The following GFI1B variants were observed in gnomAD, a reference collection of about 807,000 sequenced individuals.
GFI1B encodes the protein growth factor independent 1B transcriptional repressor.
In GFI1B, 20 loss-of-function variants were observed where a neutral mutation model predicts 35.3. The ratio of observed to expected loss-of-function variants is 0.57; its 90% CI spans 0.40 to 0.82. The LOEUF (loss-of-function observed/expected upper bound fraction) is 0.82, where lower values mean the gene tolerates loss of function less well. GFI1B is among the 40% of genes least tolerant of loss of function. The pLI, the probability that GFI1B is intolerant of heterozygous loss-of-function variation, is 0.00. For missense variants in GFI1B, 430 were observed against 446.3 expected, an observed-to-expected ratio of 0.96 and a Z score of 0.33; for synonymous variants, 178 against 177.6, an observed-to-expected ratio of 1.00 and a Z score of -0.02.
At chr9:132,977,114 C>T (rs1055515540), upstream of GFI1B, among the ~76,000 whole-genome samples, 1 of 152,144 alleles carries the variant, frequency 6.6e-6, no homozygotes, top group Non-Finnish European at 1.5e-5. Flanking sequence ...TGTGCCACCA[C>T]ACCCAGCTAA....
intron 1 of GFI1B, among the ~76,000 whole-genome samples, chr9:132,959,044 C>G (rs1162300009): frequency 6.6e-6 from 1 of 152,162 alleles, no homozygotes; most frequent in Non-Finnish European, 1.5e-5. Context: ...CTCAGTTTCT[C>G]TGTCTGTAAA....
chr9:132,957,668 G>C (rs1848301415), intron 1 of GFI1B, among the ~76,000 whole-genome samples: 1 of 152,114 alleles, frequency 6.6e-6, no homozygotes, highest in Non-Finnish European at 1.5e-5. Context: ...CAGACACCCA[G>C]ACCATTTTTG....
At chr9:132,958,432 C>T (rs1244592815) in intron 1 of GFI1B, among the ~76,000 whole-genome samples, 1 of 152,068 alleles carries the variant, frequency 6.6e-6, no homozygotes, top group African/African-American at 2.4e-5. Context: ...TGGCGGAAGG[C>T]AAATGGAAAG....
In GFI1B at chr9:132,991,516, C is replaced by A. The variant is rs1469769438; in HGVS notation, c.*466C>A. On this transcript the variant is annotated 3_prime_UTR_variant, in exon 7 of 7. Coordinates refer to ENST00000372122, the MANE Select transcript of GFI1B (RefSeq NM_001377304.1). The stretch of plus-strand genomic sequence containing the variant: ...CCTCCCACCCCAGTCAGAAGCCTGG[C>A]ACCCCCTCTGCTTCGGCCAGATGTG... 1.1e-5 allele frequency: 2 copies of A among 182,004 alleles called. No individual in the cohort carries two copies. Among genetic ancestry groups the A allele is most frequent in the East Asian group, 2.9e-4 (2 of 6,808 alleles). The allele number at this position is 182,004 out of a possible 1,614,324, so 11.3% of individuals were successfully genotyped here.
At chr9:132,984,374 G>T (rs1259293218) in intron 1 of GFI1B, among the ~76,000 whole-genome samples, 2 of 152,148 alleles carry the variant, frequency 1.3e-5, no homozygotes, top group African/African-American at 4.8e-5. Context: ...CGTGTCCCTG[G>T]GAGATAAGGC....
chr9:132,977,185 G>A (rs1375898340), upstream of GFI1B, among the ~76,000 whole-genome samples: 1 of 152,164 alleles, frequency 6.6e-6, no homozygotes. Flanking sequence ...TTGAACTCCC[G>A]ATCTCAAGTG....
intron 2 of GFI1B, among the ~76,000 whole-genome samples, chr9:132,973,415 G>A (rs1848568045): frequency 6.6e-6 from 1 of 152,240 alleles, no homozygotes; most frequent in East Asian, 1.9e-4. Flanking sequence ...AGGCCAGCGT[G>A]TGTGCTGAGG....
chr9:132,965,560 G>T (rs1848439188), intron 1 of GFI1B, among the ~76,000 whole-genome samples: 1 of 152,244 alleles, frequency 6.6e-6, no homozygotes, highest in African/African-American at 2.4e-5. Flanking sequence ...TTAGCCGGCT[G>T]GGTTCTAATC....
rs138981413 is a variant in GFI1B, at chr9:132,988,068, A to G, written c.239-129A>G. ...ACCACGTTGGTCCGCCTGGTCTTGA[A>G]CTCCCGACCTCAAGTGACCCACTTG... On this transcript the variant is annotated intron_variant, in intron 3 of 6. Coordinates refer to ENST00000372122, the MANE Select transcript of GFI1B (RefSeq NM_001377304.1). 1,243 of 802,360 alleles carry G rather than the reference A, an allele frequency of 1.5e-3. 7 individuals carry two copies. In the African/African-American group the frequency reaches 0.019, roughly 12 times the overall value. 49.7% of individuals were successfully genotyped at this position (802,360 alleles called of 1,614,324 possible). A position where few individuals can be genotyped will look rare whatever the true frequency, so the allele number is the denominator to read the frequency against.
chr9:132,988,973 G>T, intron 4 of GFI1B, 88 bp from the exon 5 acceptor site: 1 of 1,301,728 alleles, frequency 7.7e-7, no homozygotes, highest in South Asian at 1.2e-5. Context: ...GCCTTGGCCA[G>T]AGCTGGGCAT....
chr9:132,987,072 A>C (rs1390755753), intron 2 of GFI1B, among the ~76,000 whole-genome samples: 1 of 152,114 alleles, frequency 6.6e-6, no homozygotes, highest in Non-Finnish European at 1.5e-5. Flanking sequence ...AGAAAAACAG[A>C]CTGGTCCAAA....
At position 132,989,842 on chromosome 9, in the gene GFI1B, G is replaced by A. The variant is rs1364041454; in HGVS notation, c.749G>A (p.Cys250Tyr). The change falls in exon 6 of 7, where the codon TGC becomes TAC. Residue 250 changes from cysteine (C) to tyrosine (Y), a missense_variant. Coordinates refer to ENST00000372122, the MANE Select transcript of GFI1B (RefSeq NM_001377304.1). This position sits in a 1 kb window ranked among gnomAD's most constrained non-coding sequence, Gnocchi z 6.2. ...LIHSDTRPYP[C>Y]QFCGKRFHQK... ...CACTCAGACACGCGGCCCTACCCCT[G>A]CCAGTTCTGCGGCAAGCGTTTCCAC... 1 of 1,614,228 alleles carries A rather than the reference G, an allele frequency of 6.2e-7. No homozygotes were observed. Among genetic ancestry groups the A allele is most frequent in the South Asian group, 1.1e-5 (1 of 91,088 alleles).
At position 132,984,970 on chromosome 9, in the gene GFI1B, A is replaced by C. The variant is rs147412721; in HGVS notation, c.-20-1689A>C. On this transcript the variant is annotated intron_variant, in intron 1 of 6. Coordinates refer to ENST00000372122, the MANE Select transcript of GFI1B (RefSeq NM_001377304.1). ...CCTGCTCCTGGGCCAAGGCCTTATCACCCAGGCCCTCACTGCTGTTCTGAA... is the reference window on the plus strand; with the variant it reads ...CCTGCTCCTGGGCCAAGGCCTTATCCCCCAGGCCCTCACTGCTGTTCTGAA... Among the ~76,000 whole-genome samples the C allele has an allele frequency of 6.8e-3, 1,021 of 149,446 alleles. 16 individuals are homozygous for C. The highest frequency in any genetic ancestry group is 0.024 in the African/African-American group (968 of 40,858).
At chr9:132,961,896 T>C (rs1305610286) in intron 1 of GFI1B, among the ~76,000 whole-genome samples, 1 of 151,820 alleles carries the variant, frequency 6.6e-6, no homozygotes, top group South Asian at 2.1e-4. Context: ...CGGCCAAAAT[T>C]CCCCAAATTT....
Position 132,988,967 on chromosome 9 carries a change from T to C in GFI1B, c.511-94T>C, listed in dbSNP as rs1257944810. 4.8e-6 allele frequency: 6 copies of C among 1,237,862 alleles called. No individual in the cohort carries two copies. In the African/African-American group the frequency reaches 7.4e-5, roughly 15 times the overall value. The allele number at this position is 1,237,862 out of a possible 1,614,324, so 76.7% of individuals were successfully genotyped here. ...GCCCCTTACTCTGTGTACCCAGCCT[T>C]GGCCAGAGCTGGGCATGGAAGAGAC... is the stretch of plus-strand genomic sequence containing the variant. On this transcript the variant is annotated intron_variant, in intron 4 of 6. Transcript: ENST00000372122.
chr9:132,982,028 C>CAGG (rs1351952097), intron 1 of GFI1B, among the ~76,000 whole-genome samples: 2 of 152,228 alleles, frequency 1.3e-5, no homozygotes, highest in African/African-American at 4.8e-5. Flanking sequence ...GCTGGGATTA[C>CAGG]AGGCGTGAGC....
chr9:132,992,033 G>A (rs1849310741), downstream of GFI1B, among the ~76,000 whole-genome samples: 1 of 152,160 alleles, frequency 6.6e-6, no homozygotes, highest in Non-Finnish European at 1.5e-5. Flanking sequence ...CTCAAAATGA[G>A]TCTCATGGGG....
In GFI1B at chr9:132,988,221, C is replaced by G. The variant is rs1263195120; in HGVS notation, c.263C>G (p.Pro88Arg). ...GAGGGCCCCATTGTGCTGTCCCGACCCCAGGATGGGGACTCTCCACTGTCC... is the reference window on the plus strand; with the variant it reads ...GAGGGCCCCATTGTGCTGTCCCGACGCCAGGATGGGGACTCTCCACTGTCC... ...APEGPIVLSR[P>R]QDGDSPLSDS... Residue 88 changes from proline to arginine, a missense_variant, in exon 4 of 7, where the codon CCC becomes CGC. Pro to Arg is a moderately radical substitution (Grantham distance 103). Coordinates refer to ENST00000372122, the MANE Select transcript of GFI1B (RefSeq NM_001377304.1). 6.2e-7 allele frequency: 1 copy of G among 1,613,926 alleles called. No individual in the cohort carries two copies. Among genetic ancestry groups the G allele is most frequent in the African/African-American group, 1.3e-5 (1 of 74,908 alleles).
intron 1 of GFI1B, among the ~76,000 whole-genome samples, chr9:132,982,504 G>A (rs1400760395): frequency 1.3e-5 from 2 of 152,180 alleles, no homozygotes; most frequent in African/African-American, 4.8e-5. Context: ...ACTCTATCAG[G>A]ATCGGGGGTT....
Sources: allele counts gnomAD v4.1 joint callset (sites outside exome capture counted in the v4.1 genomes callset), GRCh38; gene constraint gnomAD v4.1.1; non-coding constraint Gnocchi (gnomAD v3.1); transcripts MANE v1.5; gene names NCBI Gene and HGNC (gene_info 2026-07-23, HGNC 2026-07-21).